The following TBCD variants were observed in gnomAD, a reference collection of about 807,000 sequenced individuals.
The protein encoded by TBCD is tubulin-specific chaperone D.
Under a neutral mutation model 169.3 loss-of-function variants are expected in TBCD, and 105 were observed. That is an observed-to-expected ratio of 0.62 (90% CI 0.53 to 0.73). TBCD has a LOEUF of 0.73. TBCD is among the 30% of genes least tolerant of loss of function. The pLI is 0.00. For missense variants in TBCD, 1,444 were observed against 1,600.1 expected (o/e 0.90, Z 1.66); for synonymous variants, 700 against 643.9 (o/e 1.09, Z -1.32).
At chr17:82,758,400 A>AAAAAATAAAT (rs1035939621) in intron 2 of TBCD, among the ~76,000 whole-genome samples, 1 of 100,032 alleles carries the variant, frequency 1.0e-5, no homozygotes, top group Non-Finnish European at 1.9e-5. Flanking sequence ...AAAAAAAAAA[A>AAAAAATAAAT]AAATAAATAA....
At chr17:82,860,348 T>G in intron 13 of TBCD, 1 of 983,184 alleles carries the variant, frequency 1.0e-6, no homozygotes, top group Non-Finnish European at 1.2e-6. Context: ...CCTTTCGCAG[T>G]GGTGGAGGGG....
At chr17:82,904,937 T>C (rs1389358541) in intron 19 of TBCD, among the ~76,000 whole-genome samples, 1 of 152,150 alleles carries the variant, frequency 6.6e-6, no homozygotes, top group Non-Finnish European at 1.5e-5. Flanking sequence ...TTTTGTAGAT[T>C]TCTCTGATTC....
chr17:82,770,083 C>T (rs76478610), intron 5 of TBCD, among the ~76,000 whole-genome samples: 10,306 of 152,070 alleles, frequency 0.068, 867 homozygotes, highest in African/African-American at 0.2. Context: ...TGAATCCAGG[C>T]GGTTTATCTG....
chr17:82,899,361 T>TGCGTCCTCAGC (rs144376188), intron 17 of TBCD, among the ~76,000 whole-genome samples: 75,492 of 149,290 alleles, frequency 0.51, 20,034 homozygotes, highest in East Asian at 0.73. Context: ...GTGTCCGCAG[T>TGCGTCCTCAGC]GCGTCCTCAG....
rs1027483085 is a variant in TBCD at position 82,828,308 on chromosome 17, CCACA to C, written c.1318+13377_1318+13380del. ...CCCCCCCACAGGCACACGTGCACAC[CCACA>C]CAATCTAATGCACACACACACCCAT... On this transcript the variant is annotated intron_variant, in intron 13 of 38. Transcript: ENST00000355528. 4.4e-5 allele frequency among the ~76,000 whole-genome samples: 6 copies of C among 135,884 alleles called. No individual in the cohort carries two copies. The East Asian group carries it at 1.1e-3, about 26-fold the overall frequency. The allele number at this position is 135,884 out of a possible 152,430, so 89.1% of individuals were successfully genotyped here.
intron 17 of TBCD, chr17:82,895,739 C>T (rs4986084): frequency 0.26 from 39,161 of 152,018 alleles, 5,055 homozygotes; most frequent in Middle Eastern, 0.31. Flanking sequence ...TCGTTGAGTG[C>T]GAGGAGGTTG....
At chr17:82,788,966 A>T (rs1362404872) in intron 7 of TBCD, among the ~76,000 whole-genome samples, 2 of 152,156 alleles carry the variant, frequency 1.3e-5, no homozygotes, top group Non-Finnish European at 2.9e-5. Context: ...TTAGGCTTTG[A>T]TTTCTCTTCA....
chr17:82,864,176 AG>A lies in TBCD; in HGVS notation c.1319-6047del, dbSNP rs1353406920. Reference sequence around the variant, plus strand: ...GGGACTTTCTTAGAGAGTGGGTAAAAGATGAGTCATCTCTTGTGTGATTTAT... The same window carrying A: ...GGGACTTTCTTAGAGAGTGGGTAAAAATGAGTCATCTCTTGTGTGATTTAT... On this transcript the variant is annotated intron_variant, in intron 13 of 38. Coordinates refer to ENST00000355528, the MANE Select transcript of TBCD (RefSeq NM_005993.5). The surrounding 1 kb of genome is among the most constrained non-coding windows in gnomAD (Gnocchi z 6.3). 2 of 152,252 alleles carry A rather than the reference AG, an allele frequency of 1.3e-5. No individual in the cohort carries two copies. The highest frequency in any genetic ancestry group is 2.9e-5 in the Non-Finnish European group (2 of 68,058). 9.4% of individuals were successfully genotyped at this position (152,252 alleles called of 1,614,324 possible). A position where few individuals can be genotyped will look rare whatever the true frequency, so the allele number is the denominator to read the frequency against.
In TBCD at chr17:82,874,677, CG is replaced by C. The variant is rs2057841494; in HGVS notation, c.1475+4299del. On this transcript the variant is annotated intron_variant, in intron 14 of 38. Transcript: ENST00000355528. This position sits in a 1 kb window ranked among gnomAD's most constrained non-coding sequence, Gnocchi z 5.0. Reference sequence around the variant, plus strand: ...TTGGCCCACGCAGACTCCAGGCATCCGGCCGGGCGGGCTGTGAGTCAGGCTG... The same window carrying C: ...TTGGCCCACGCAGACTCCAGGCATCCGCCGGGCGGGCTGTGAGTCAGGCTG... Among the ~76,000 whole-genome samples the C allele has an allele frequency of 6.6e-6, 1 of 152,186 alleles. No individual in the cohort carries two copies. The highest frequency in any genetic ancestry group is 1.5e-5 in the Non-Finnish European group (1 of 68,040).
At chr17:82,899,327 G>A (rs1053645657) in intron 17 of TBCD, among the ~76,000 whole-genome samples, 6 of 151,382 alleles carry the variant, frequency 4.0e-5, no homozygotes, top group Non-Finnish European at 5.9e-5. Context: ...CAGCGCGCGC[G>A]TCCTCAGCTC....
intron 13 of TBCD, among the ~76,000 whole-genome samples, chr17:82,834,152 G>T (rs7501531): frequency 0.99 from 151,319 of 152,270 alleles, 75,194 homozygotes; most frequent in East Asian, 1. Flanking sequence ...TTTGCCATGT[G>T]GGCCAGGCTG....
At chr17:82,802,667 C>G (rs897307548) in intron 9 of TBCD, among the ~76,000 whole-genome samples, 8 of 152,238 alleles carry the variant, frequency 5.3e-5, no homozygotes, top group East Asian at 3.8e-4. Context: ...GGGCTTCCCC[C>G]CTCCTCAGGG....
chr17:82,815,056 C>T lies in TBCD; in HGVS notation c.1318+122C>T, dbSNP rs150820586. On this transcript the variant is annotated intron_variant, in intron 13 of 38. Transcript: ENST00000355528. ...AGCTGAAGCACGGTCAGCTGCGTCA[C>T]CAGGCTGTCCGTGGCAGGCTGCAGC... 0.044 allele frequency: 64,905 copies of T among 1,467,608 alleles called. 1,635 individuals carry two copies. The highest frequency in any genetic ancestry group is 0.065 in the Middle Eastern group (268 of 4,100). 90.9% of individuals were successfully genotyped at this position (1,467,608 alleles called of 1,614,324 possible).
At chr17:82,853,754 T>C (rs1410521232) in intron 13 of TBCD, among the ~76,000 whole-genome samples, 1 of 152,182 alleles carries the variant, frequency 6.6e-6, no homozygotes, top group Non-Finnish European at 1.5e-5. Context: ...TTCTGTCTTT[T>C]AATTTTTTTA....
rs78470820 is a variant in TBCD, at chr17:82,855,305, C to T, written c.1319-14919C>T. Among the ~76,000 whole-genome samples, 21 of 128,906 alleles carry T rather than the reference C, an allele frequency of 1.6e-4. No individual in the cohort carries two copies. In the South Asian group the frequency reaches 2.5e-3, roughly 16 times the overall value. 84.6% of individuals were successfully genotyped at this position (128,906 alleles called of 152,430 possible). A position where few individuals can be genotyped will look rare whatever the true frequency, so the allele number is the denominator to read the frequency against. On this transcript the variant is annotated intron_variant, in intron 13 of 38. Coordinates refer to ENST00000355528, the MANE Select transcript of TBCD (RefSeq NM_005993.5). Reference sequence around the variant, plus strand: ...AGAGCCAGGGTCACTCTGTTGCTCACGCTGGAGTGAGTGCCATGGTGTAGT... The same window carrying T: ...AGAGCCAGGGTCACTCTGTTGCTCATGCTGGAGTGAGTGCCATGGTGTAGT...
rs1465687048 is a variant in TBCD at position 82,833,082 on chromosome 17, C to T, written c.1318+18148C>T. ...TGCCCGACTCTGCTTGGGGGTTACA[C>T]GCTTGAAGCAGTGGGTGTGTGATCG... On this transcript the variant is annotated intron_variant, in intron 13 of 38. Transcript: ENST00000355528. The surrounding 1 kb of genome is among the most constrained non-coding windows in gnomAD (Gnocchi z 4.7). Among the ~76,000 whole-genome samples the T allele has an allele frequency of 3.9e-5, 6 of 152,220 alleles. No homozygotes were observed. In the South Asian group the frequency reaches 8.3e-4, roughly 21 times the overall value.
intron 5 of TBCD, among the ~76,000 whole-genome samples, 166 bp from the exon 6 acceptor site, chr17:82,772,286 T>C (rs2048349436): frequency 6.6e-6 from 1 of 152,166 alleles, no homozygotes; most frequent in Admixed American, 6.5e-5. Context: ...TTGGCTCAGA[T>C]TGAAGAGAGG....
chr17:82,875,575 C>T (rs561683566), intron 14 of TBCD, among the ~76,000 whole-genome samples: 3 of 152,332 alleles, frequency 2.0e-5, no homozygotes, highest in African/African-American at 7.2e-5. Flanking sequence ...TTTCGGCCTC[C>T]ACCTCGAGCA....
intron 13 of TBCD, among the ~76,000 whole-genome samples, chr17:82,860,615 A>G (rs1285704101): frequency 6.6e-6 from 1 of 152,216 alleles, no homozygotes; most frequent in African/African-American, 2.4e-5. Flanking sequence ...GTGGAGAGCC[A>G]GCAGACGCCA....
Sources: allele counts gnomAD v4.1 joint callset (sites outside exome capture counted in the v4.1 genomes callset), GRCh38; gene constraint gnomAD v4.1.1; non-coding constraint Gnocchi (gnomAD v3.1); transcripts MANE v1.5; gene names NCBI Gene and HGNC (gene_info 2026-07-23, HGNC 2026-07-21).